The following CTNNA3 variants were observed in gnomAD, a reference collection of about 807,000 sequenced individuals.
CTNNA3 encodes the protein catenin alpha-3.
CTNNA3 carries 76 observed loss-of-function variants against 95.7 expected under a neutral mutation model. That is an observed-to-expected ratio of 0.79 (90% confidence interval 0.66 to 0.96). CTNNA3 has a LOEUF of 0.96. Among genes scored for constraint, CTNNA3 ranks in the 40% least tolerant of loss-of-function variants. The probability of loss-of-function intolerance (pLI) is 0.00; values close to 1 mark genes in which losing one functional copy is unlikely to be tolerated. For synonymous variants in CTNNA3, 431 were observed against 374.4 expected (o/e 1.15, Z -1.74); for missense variants, 1,191 against 1,089.8 (o/e 1.09, Z -1.31).
intron 7 of CTNNA3, among the ~76,000 whole-genome samples, chr10:66,828,795 A>C (rs896742420): frequency 6.6e-5 from 10 of 152,220 alleles, no homozygotes; most frequent in African/African-American, 1.2e-4. Flanking sequence ...TGCCCAAGAT[A>C]ATTCACAAGA....
chr10:66,333,127 T>C (rs1455202827), intron 12 of CTNNA3, among the ~76,000 whole-genome samples: 1 of 152,050 alleles, frequency 6.6e-6, no homozygotes, highest in Non-Finnish European at 1.5e-5. Flanking sequence ...TTTTCTTCTT[T>C]ATTAGTCTTG....
intron 17 of CTNNA3, among the ~76,000 whole-genome samples, chr10:65,921,597 T>C (rs1356756948): frequency 1.3e-5 from 2 of 152,220 alleles, no homozygotes; most frequent in African/African-American, 4.8e-5. Flanking sequence ...TACGTGAACC[T>C]CACTTCCACT....
At chr10:66,381,393 C>T (rs2092837329) in intron 11 of CTNNA3, among the ~76,000 whole-genome samples, 1 of 152,164 alleles carries the variant, frequency 6.6e-6, no homozygotes, top group African/African-American at 2.4e-5. Context: ...TTATGTGCCT[C>T]AATTAGAGAT....
chr10:66,456,039 G>T (rs560210364), intron 11 of CTNNA3, among the ~76,000 whole-genome samples: 1 of 152,244 alleles, frequency 6.6e-6, no homozygotes, highest in East Asian at 1.9e-4. Flanking sequence ...CTGATTAAAA[G>T]ATATCAAAGG....
intron 7 of CTNNA3, among the ~76,000 whole-genome samples, chr10:67,130,082 C>T (rs1702094430): frequency 6.6e-6 from 1 of 152,098 alleles, no homozygotes; most frequent in African/African-American, 2.4e-5. Context: ...CCCCTTCCAA[C>T]ATCATGCTTG....
intron 5 of CTNNA3, among the ~76,000 whole-genome samples, chr10:67,287,282 G>A (rs1216976231): frequency 6.6e-6 from 1 of 152,006 alleles, no homozygotes; most frequent in Non-Finnish European, 1.5e-5. Context: ...AGGTTGCAGT[G>A]AGCCCAGATC....
intron 5 of CTNNA3, among the ~76,000 whole-genome samples, chr10:67,316,576 T>A (rs1369668931): frequency 6.6e-6 from 1 of 152,172 alleles, no homozygotes; most frequent in South Asian, 2.1e-4. Context: ...ATTGATCTCA[T>A]CTCTTCAACA....
chr10:66,162,814 G>A (rs2084919593), intron 13 of CTNNA3, among the ~76,000 whole-genome samples: 1 of 151,930 alleles, frequency 6.6e-6, no homozygotes, highest in Non-Finnish European at 1.5e-5. Flanking sequence ...AGGGTGAGTA[G>A]GGAAGGACCA....
At chr10:67,199,128 G>C (rs1863516035) in intron 6 of CTNNA3, among the ~76,000 whole-genome samples, 2 of 152,050 alleles carry the variant, frequency 1.3e-5, no homozygotes, top group African/African-American at 4.8e-5. Flanking sequence ...ACTGGGAAAA[G>C]AGAGAAAGTG....
At chr10:66,745,088 C>T (rs1838805622) in intron 9 of CTNNA3, among the ~76,000 whole-genome samples, 1 of 152,168 alleles carries the variant, frequency 6.6e-6, no homozygotes, top group South Asian at 2.1e-4. Flanking sequence ...CAGCTCCACC[C>T]CCAGCGCTTC....
chr10:67,615,611 G>A (rs1483606447), intron 2 of CTNNA3, among the ~76,000 whole-genome samples: 2 of 147,332 alleles, frequency 1.4e-5, no homozygotes, highest in Non-Finnish European at 3.0e-5. Context: ...GGGGAACAGA[G>A]AATAAACAAA....
chr10:67,740,584 A>C (rs1336850261), intron 1 of CTNNA3, among the ~76,000 whole-genome samples: 1 of 151,580 alleles, frequency 6.6e-6, no homozygotes, highest in Non-Finnish European at 1.5e-5. Flanking sequence ...GCCATCACAG[A>C]AATGCAAATC....
At chr10:66,361,188 C>T (rs1033831604) in intron 12 of CTNNA3, among the ~76,000 whole-genome samples, 4 of 150,038 alleles carry the variant, frequency 2.7e-5, no homozygotes, top group African/African-American at 9.8e-5. Flanking sequence ...AGGCTGGTCT[C>T]GAACCCCTGG....
intron 5 of CTNNA3, among the ~76,000 whole-genome samples, chr10:67,394,145 G>A (rs1382426398): frequency 6.6e-6 from 1 of 152,044 alleles, no homozygotes; most frequent in Non-Finnish European, 1.5e-5. Context: ...ACTCTTTTGT[G>A]TGTGTGATAT....
At chr10:67,583,454 G>A (rs774830753) in intron 3 of CTNNA3, among the ~76,000 whole-genome samples, 6 of 152,182 alleles carry the variant, frequency 3.9e-5, no homozygotes, top group Admixed American at 1.3e-4. Flanking sequence ...GCTTCCCTTT[G>A]TGGGTAACCT....
At chr10:66,309,193 C>A (rs1265587345) in intron 12 of CTNNA3, among the ~76,000 whole-genome samples, 1 of 152,094 alleles carries the variant, frequency 6.6e-6, no homozygotes, top group South Asian at 2.1e-4. Context: ...GTTTATGAAC[C>A]TTTCTCAGTA....
At chr10:67,260,778 G>T (rs1449758283) in intron 5 of CTNNA3, among the ~76,000 whole-genome samples, 1 of 151,902 alleles carries the variant, frequency 6.6e-6, no homozygotes, top group African/African-American at 2.4e-5. Flanking sequence ...TCTGCCTCCT[G>T]GGTTCAAGCG....
In CTNNA3 at chr10:66,084,135, C is replaced by CAAA. The variant is rs200266418; in HGVS notation, c.1978-14649_1978-14647dup. Among the ~76,000 whole-genome samples the CAAA allele has an allele frequency of 9.2e-4, 74 of 80,078 alleles. 1 individual carries two copies. The highest frequency in any genetic ancestry group is 5.4e-3 in the South Asian group (12 of 2,242). 52.5% of individuals were successfully genotyped at this position (80,078 alleles called of 152,430 possible). A position where few individuals can be genotyped will look rare whatever the true frequency, so the allele number is the denominator to read the frequency against. ...GGGTAACAACAGCGAAACTTCATCTCAAAAAAAAAAAAGAAAAAAAAAGAA... is the reference window on the plus strand; with the variant it reads ...GGGTAACAACAGCGAAACTTCATCTCAAAAAAAAAAAAAAAGAAAAAAAAAGAA... On this transcript the variant is annotated intron_variant, in intron 14 of 17. Coordinates refer to ENST00000433211, the MANE Select transcript of CTNNA3 (RefSeq NM_013266.4).
At chr10:66,658,115 T>A (rs534146754) in intron 9 of CTNNA3, among the ~76,000 whole-genome samples, 1 of 152,292 alleles carries the variant, frequency 6.6e-6, no homozygotes, top group African/African-American at 2.4e-5. Context: ...TGGTTGTTAT[T>A]GTTTTCACAA....
Sources: gnomAD v4.1 joint callset for allele counts (sites outside exome capture counted in the v4.1 genomes callset) on GRCh38, gnomAD v4.1.1 for gene constraint, MANE v1.5 for transcripts, NCBI Gene and HGNC (gene_info 2026-07-23, HGNC 2026-07-21) for gene names.